The following ANKAR variants were observed in gnomAD, a reference collection of about 807,000 sequenced individuals.
The protein encoded by ANKAR is ankyrin and armadillo repeat-containing protein.
In ANKAR, 136 loss-of-function variants were observed where a neutral mutation model predicts 146.2. The observed-to-expected ratio is 0.93, with a 90% confidence interval of 0.81 to 1.07. ANKAR has a LOEUF of 1.07. Ranked by LOEUF, ANKAR falls within the 50% of genes least tolerant of loss-of-function variation. ANKAR has a pLI of 0.00. For missense variants in ANKAR, 1,567 were observed against 1,679.9 expected (o/e 0.93, Z 1.18); for synonymous variants, 500 against 575.8 (o/e 0.87, Z 1.88).
At chr2:189,725,511 C>CT (rs546861924) in intron 12 of ANKAR, among the ~76,000 whole-genome samples, 8 of 151,916 alleles carry the variant, frequency 5.3e-5, no homozygotes, top group East Asian at 3.9e-4. Flanking sequence ...TAATAAAATC[C>CT]TTTTTTTTAC....
intron 16 of ANKAR, among the ~76,000 whole-genome samples, chr2:189,732,010 A>G (rs2042448507): frequency 6.6e-6 from 1 of 152,152 alleles, no homozygotes; most frequent in Admixed American, 6.6e-5. Context: ...CATTCTTTTA[A>G]CAAATGTGTG....
intron 6 of ANKAR, among the ~76,000 whole-genome samples, chr2:189,695,389 CG>C: frequency 6.6e-6 from 1 of 152,282 alleles, no homozygotes; most frequent in African/African-American, 2.4e-5. Flanking sequence ...ACGGCTTATA[CG>C]TATTGATTGC....
intron 7 of ANKAR, among the ~76,000 whole-genome samples, chr2:189,701,014 T>C (rs1345916346): frequency 3.3e-5 from 5 of 152,220 alleles, no homozygotes; most frequent in Non-Finnish European, 4.4e-5. Flanking sequence ...TTATTTTCTT[T>C]ATCTTTGTTT....
In ANKAR at chr2:189,743,390, A is replaced by T. The variant is rs563514854; in HGVS notation, c.3926A>T (p.Asn1309Ile). The change falls in exon 21 of 23, where the codon AAT becomes ATT. Residue 1309 changes from asparagine to isoleucine, a missense_variant. Physicochemically the swap from Asn to Ile is moderately radical, Grantham distance 149. Coordinates refer to ENST00000684021, the MANE Select transcript of ANKAR (RefSeq NM_001378068.1). ...AATCAGTTCATTCGTATAAAAAATA[A>T]TATCAGCAGAGATGCAAGTATTAAC... Reference protein sequence around the residue: ...KPNQFIRIKNNISRDASINPA... With the variant: ...KPNQFIRIKNIISRDASINPA... 13 of 1,614,024 alleles carry T rather than the reference A, an allele frequency of 8.1e-6. No individual in the cohort carries two copies. In the South Asian group the frequency reaches 9.9e-5, roughly 12 times the overall value.
intron 22 of ANKAR, 52 bp from the exon 23 acceptor site, chr2:189,746,327 GA>G: frequency 6.6e-7 from 1 of 1,512,068 alleles, no homozygotes; most frequent in Non-Finnish European, 8.9e-7. Context: ...TAGAAGTAAT[GA>G]GACTATACCT....
At chr2:189,728,526 C>T (rs1160335319) in intron 14 of ANKAR, 106 bp downstream of exon 14, 1 of 1,465,998 alleles carries the variant, frequency 6.8e-7, no homozygotes, top group Non-Finnish European at 9.2e-7. Flanking sequence ...CAGCCTCAAA[C>T]CCCTGGGCTC....
downstream of ANKAR, chr2:189,750,586 C>T (rs1283110082): frequency 6.4e-7 from 1 of 1,570,794 alleles, no homozygotes; most frequent in East Asian, 2.3e-5. Context: ...AATCATATCT[C>T]CATTTTTAAT....
At position 189,694,984 on chromosome 2, in the gene ANKAR, C is replaced by A; in HGVS notation, c.1311C>A (p.Tyr437Ter). The A allele has an allele frequency of 6.7e-7, 1 of 1,491,572 alleles. No individual in the cohort carries two copies. Among genetic ancestry groups the A allele is most frequent in the Non-Finnish European group, 9.0e-7 (1 of 1,116,052 alleles). 92.4% of individuals were successfully genotyped at this position (1,491,572 alleles called of 1,614,324 possible). The change falls in exon 6 of 23, where the codon TAC (tyrosine) becomes TAA (stop). Residue 437 changes from tyrosine to a stop codon, truncating the protein, a stop_gained. Transcript: ENST00000684021. LOFTEE classifies it high-confidence loss of function. ...IPVMEFHGKS[Y>*]YVIYFELETF... ...TTTTTTTCTTTATTTTTTATAGCTA[C>A]TATGTGATCTATTTTGAACTAGAAA...
intron 18 of ANKAR, among the ~76,000 whole-genome samples, chr2:189,755,976 T>A (rs1434045352): frequency 1.3e-5 from 2 of 152,112 alleles, no homozygotes; most frequent in Non-Finnish European, 2.9e-5. Context: ...ACTGGGCGAT[T>A]GTGGGAATGG....
intron 9 of ANKAR, 41 bp from the exon 10 acceptor site, chr2:189,711,008 G>A (rs759941241): frequency 2.6e-6 from 4 of 1,546,094 alleles, no homozygotes; most frequent in South Asian, 1.1e-5. Flanking sequence ...ATTGCCTTTT[G>A]TGCAAATTAC....
downstream of ANKAR, chr2:189,761,795 GGAATATAAATAATA>G: frequency 1.2e-6 from 1 of 804,504 alleles, no homozygotes; most frequent in Non-Finnish European, 1.8e-6. Flanking sequence ...TAGCAACATG[GGAATATAAATAATA>G]TTATGAATGA....
intron 20 of ANKAR, 110 bp downstream of exon 20, chr2:189,741,561 T>C: frequency 6.7e-6 from 4 of 596,268 alleles, no homozygotes; most frequent in Non-Finnish European, 1.1e-5. Flanking sequence ...AGATATAATA[T>C]AATTCTTATT....
downstream of ANKAR, among the ~76,000 whole-genome samples, chr2:189,751,091 C>T (rs1377485961): frequency 6.6e-6 from 1 of 152,146 alleles, no homozygotes; most frequent in Non-Finnish European, 1.5e-5. Context: ...GCTGCCTTGC[C>T]CCTTTTCTAC....
At position 189,692,341 on chromosome 2, in the gene ANKAR, C is replaced by A. The variant is rs2036546803; in HGVS notation, c.1126C>A (p.Gln376Lys). ...CCAGAATTTTCACTACAAAGAGAAT[C>A]AATATTTTCATGTTCATGGAGGAAT... ...KCQNFHYKEN[Q>K]YFHVHGGIEF... Residue 376 changes from glutamine to lysine, a missense_variant, in exon 4 of 23, where the codon CAA becomes AAA. By Grantham distance (53) the Gln-to-Lys change is moderately conservative (BLOSUM62 1). Coordinates refer to ENST00000684021, the MANE Select transcript of ANKAR (RefSeq NM_001378068.1). The A allele has an allele frequency of 3.7e-6, 6 of 1,612,834 alleles. No individual in the cohort carries two copies. The highest frequency in any genetic ancestry group is 4.2e-6 in the Non-Finnish European group (5 of 1,179,592).
intron 11 of ANKAR, 78 bp downstream of exon 11, chr2:189,719,891 G>A (rs1290554193): frequency 2.2e-5 from 31 of 1,380,324 alleles, no homozygotes; most frequent in African/African-American, 8.6e-5. Context: ...AGAAACCCAC[G>A]TTACTATTCA....
At chr2:189,742,904 TGACACACACACACACACACACA>T (rs2043529326) in intron 20 of ANKAR, among the ~76,000 whole-genome samples, 1 of 10,542 alleles carries the variant, frequency 9.5e-5, no homozygotes, top group Non-Finnish European at 2.0e-4. Flanking sequence ...TAGAATTACC[TGACACACACACACACACACACA>T]CACACACACA....
intron 12 of ANKAR, among the ~76,000 whole-genome samples, chr2:189,724,309 T>C (rs2041631874): frequency 6.6e-6 from 1 of 152,214 alleles, no homozygotes; most frequent in Admixed American, 6.5e-5. Context: ...TGATCATATC[T>C]TCTTCTTTAA....
chr2:189,726,778 T>C (rs2041924260), intron 12 of ANKAR, among the ~76,000 whole-genome samples: 1 of 152,168 alleles, frequency 6.6e-6, no homozygotes, highest in South Asian at 2.1e-4. Context: ...AAGGATAGGC[T>C]TGTTTTTAGT....
intron 7 of ANKAR, 114 bp from the exon 8 acceptor site, chr2:189,704,909 G>C: frequency 1.1e-6 from 1 of 925,608 alleles, no homozygotes; most frequent in South Asian, 2.1e-5. Flanking sequence ...GCTTACTTTG[G>C]AGATTTTATA....
Sources: gnomAD v4.1 joint callset for allele counts (sites outside exome capture counted in the v4.1 genomes callset) on GRCh38, gnomAD v4.1.1 for gene constraint, MANE v1.5 for transcripts, NCBI Gene and HGNC (gene_info 2026-07-23, HGNC 2026-07-21) for gene names.